The following CENPX variants were observed in gnomAD, a reference collection of about 807,000 sequenced individuals.
The protein encoded by CENPX is centromere protein X, also known as FANCM associated histone fold protein 2.
A neutral mutation model predicts 13.2 loss-of-function variants in CENPX; 13 were observed. The ratio of observed to expected loss-of-function variants is 0.98; its 90% confidence interval spans 0.64 to 1.56. The LOEUF is 1.56. Among genes scored for constraint, CENPX ranks in the 40% most tolerant of loss-of-function variants. CENPX has a pLI of 0.00. For synonymous variants in CENPX, 66 were observed against 47.2 expected, an observed-to-expected ratio of 1.40 and a Z score of -1.63; for missense variants, 138 against 107.5, an observed-to-expected ratio of 1.28 and a Z score of -1.26.
At chr17:82,019,556 C>G (rs1199481741) in intron 3 of CENPX, 85 bp downstream of exon 3, 1 of 1,547,242 alleles carries the variant, frequency 6.5e-7, no homozygotes. Context: ...TTGTGGGAAA[C>G]GGGAAAACAC....
intron 1 of CENPX, 85 bp downstream of exon 1, chr17:82,022,741 G>A: frequency 6.8e-7 from 1 of 1,460,834 alleles, no homozygotes; most frequent in South Asian, 1.2e-5. Context: ...GCGGCGCGGG[G>A]GCTGGCGTCT....
In CENPX at chr17:82,022,655, G is replaced by A. The variant is rs926514015; in HGVS notation, c.36+171C>T. 31 of 751,748 alleles carry A rather than the reference G, an allele frequency of 4.1e-5. No homozygotes were observed. The African/African-American group carries it at 4.2e-4, about 10-fold the overall frequency. 46.6% of individuals were successfully genotyped at this position (751,748 alleles called of 1,614,324 possible). ...CCCTCCTACCAGCTGCGAGACACCA[G>A]CCCACGAGGGCGCGGGGCGCGCGGC... On this transcript the variant is annotated intron_variant, in intron 1 of 4. Coordinates refer to ENST00000392359, the MANE Select transcript of CENPX (RefSeq NM_001271006.2).
intron 1 of CENPX, among the ~76,000 whole-genome samples, chr17:82,021,213 G>A (rs1456599572): frequency 1.3e-5 from 2 of 152,248 alleles, no homozygotes; most frequent in East Asian, 1.9e-4. Flanking sequence ...GCAGCGGGCA[G>A]CAGGGTCCAG....
Position 82,019,331 on chromosome 17 carries a change from C to T in CENPX, c.193G>A (p.Val65Met). ...ACCTTCTCCAGCTGGTCCACGTCCA[C>T]ACGGAGCGCGTCTTCTGCCTGGGCC... ...RQAQAEDALR[V>M]DVDQLEKVLP... The change falls in exon 4 of 5, where the codon GTG (valine) becomes ATG (methionine). Residue 65 changes from valine (V) to methionine (M), a missense_variant. By Grantham distance (21) the Val-to-Met change is conservative. Coordinates refer to ENST00000392359, the MANE Select transcript of CENPX (RefSeq NM_001271006.2). 6.3e-7 allele frequency: 1 copy of T among 1,583,522 alleles called. No homozygotes were observed. Among genetic ancestry groups the T allele is most frequent in the East Asian group, 2.3e-5 (1 of 43,826 alleles).
intron 1 of CENPX, among the ~76,000 whole-genome samples, chr17:82,020,230 T>C (rs1219023324): frequency 6.6e-6 from 1 of 152,194 alleles, no homozygotes; most frequent in Non-Finnish European, 1.5e-5. Context: ...AAAGGCCTCG[T>C]CGAGTCCGGC....
intron 1 of CENPX, among the ~76,000 whole-genome samples, chr17:82,020,661 G>A (rs1183257479): frequency 1.3e-5 from 2 of 152,110 alleles, no homozygotes; most frequent in Non-Finnish European, 1.5e-5. Context: ...TGCCATGCCC[G>A]GGGTGGGGGG....
chr17:82,019,834 T>TCCCGCCCGCACC (rs1180603354), intron 2 of CENPX, 24 bp downstream of exon 2: 140 of 1,207,714 alleles, frequency 1.2e-4, no homozygotes, highest in Non-Finnish European at 1.6e-4. Flanking sequence ...GGGACCCACC[T>TCCCGCCCGCACC]CCCGCCCGCA....
At chr17:82,021,821 G>T (rs2043289667) in intron 1 of CENPX, among the ~76,000 whole-genome samples, 2 of 152,336 alleles carry the variant, frequency 1.3e-5, no homozygotes, top group South Asian at 4.1e-4. Context: ...CCAAGCCTCA[G>T]TGACTTTCTC....
chr17:82,019,900 T>A lies in CENPX; in HGVS notation c.46A>T (p.Ser16Cys). Residue 16 changes from serine to cysteine, a missense_variant, in exon 2 of 5, where the codon AGC (serine) becomes TGC (cysteine). Physicochemically the swap from Ser to Cys is moderately radical, Grantham distance 112 (BLOSUM62 -1). Transcript: ENST00000392359. ...TTGAAGTGCAGGTGCAGCAGCCTGC[T>A]CACCAGCTCCTAGAAGGGAGGGGGG... ...AGSGFRKELV[S>C]RLLHLHFKDD... 1 of 1,590,736 alleles carries A rather than the reference T, an allele frequency of 6.3e-7. No individual in the cohort carries two copies. Among genetic ancestry groups the A allele is most frequent in the Non-Finnish European group, 8.6e-7 (1 of 1,164,976 alleles).
At position 82,019,385 on chromosome 17, in the gene CENPX, C is replaced by T. The variant is rs898095909; in HGVS notation, c.143-4G>A. 28 of 1,543,890 alleles carry T rather than the reference C, an allele frequency of 1.8e-5. No individual in the cohort carries two copies. The highest frequency in any genetic ancestry group is 3.9e-5 in the Admixed American group (2 of 51,052). Reference sequence around the variant, plus strand: ...CGCACGCCGCGGACTGCTGCTTCTGCGGTGAGAAACGCGAGAGGTGGGGGA... The same window carrying T: ...CGCACGCCGCGGACTGCTGCTTCTGTGGTGAGAAACGCGAGAGGTGGGGGA... On this transcript the variant is annotated splice_polypyrimidine_tract_variant and splice_region_variant and intron_variant, in intron 3 of 4. Coordinates refer to ENST00000392359, the MANE Select transcript of CENPX (RefSeq NM_001271006.2).
chr17:82,021,655 C>T (rs1174687866), intron 1 of CENPX, among the ~76,000 whole-genome samples: 4 of 152,256 alleles, frequency 2.6e-5, no homozygotes, highest in Non-Finnish European at 2.9e-5. Flanking sequence ...GCAATGACCA[C>T]AACTCCAGCT....
chr17:82,022,830 C>T lies in CENPX; in HGVS notation c.32G>A (p.Arg11Gln), dbSNP rs748113125. The change falls in exon 1 of 5, where the codon CGG becomes CAG. Residue 11 changes from arginine (R) to glutamine (Q), a missense_variant. Transcript: ENST00000392359. MEGAGAGSGF[R>Q]KELVSRLLHL... The stretch of plus-strand genomic sequence containing the variant: ...CCCCTGCCCTCCGGCCCTCACCTTC[C>T]GGAAGCCGGATCCAGCTCCTGCTCC... 3 of 1,590,858 alleles carry T rather than the reference C, an allele frequency of 1.9e-6. No individual in the cohort carries two copies. Among genetic ancestry groups the T allele is most frequent in the South Asian group, 2.3e-5 (2 of 88,056 alleles).
intron 1 of CENPX, among the ~76,000 whole-genome samples, chr17:82,020,766 G>A (rs1226442345): frequency 6.6e-6 from 1 of 152,180 alleles, no homozygotes; most frequent in African/African-American, 2.4e-5. Flanking sequence ...CCAAAAGGAC[G>A]GCACTGCTCT....
At position 82,019,638 on chromosome 17, in the gene CENPX, C is replaced by G; in HGVS notation, c.142+3G>C. 1 of 1,550,308 alleles carries G rather than the reference C, an allele frequency of 6.5e-7. No individual in the cohort carries two copies. The highest frequency in any genetic ancestry group is 1.2e-5 in the South Asian group (1 of 84,060). On this transcript the variant is annotated splice_donor_region_variant and intron_variant, in intron 3 of 4. Transcript: ENST00000392359. ...CCGGAGGGAGCGTGGGCCCTGGGCT[C>G]ACCCACAACGAAGACCTTCAGCAAC...
chr17:82,022,801 C>T (rs756763221), intron 1 of CENPX, 25 bp downstream of exon 1: 125 of 1,572,780 alleles, frequency 7.9e-5, no homozygotes, highest in Non-Finnish European at 1.0e-4. Flanking sequence ...CCGCGCCTGC[C>T]TAGCCCCTGC....
chr17:82,019,208 G>C lies in CENPX; in HGVS notation c.243C>G (p.Phe81Leu), dbSNP rs770901389. ...GCCTCAGCCACGGCTGAGATCCCTA[G>C]AAGTCCAGGAGCTGTGGGGAAGAGA... ...EKVLPQLLLDF is the reference protein window; with the variant it reads ...EKVLPQLLLDL Residue 81 changes from phenylalanine (F) to leucine (L), a missense_variant, in exon 5 of 5, where the codon TTC becomes TTG. Physicochemically the swap from Phe to Leu is conservative, Grantham distance 22 (BLOSUM62 0). Transcript: ENST00000392359. 1.3e-6 allele frequency: 2 copies of C among 1,580,572 alleles called. No individual in the cohort carries two copies. The highest frequency in any genetic ancestry group is 1.7e-6 in the Non-Finnish European group (2 of 1,158,086).
At chr17:82,019,751 C>T (rs2043245328) in intron 2 of CENPX, 57 bp from the exon 3 acceptor site, 3 of 1,548,718 alleles carry the variant, frequency 1.9e-6, no homozygotes, top group Non-Finnish European at 2.6e-6. Context: ...GCTGGGTGCT[C>T]CAGACATACC....
chr17:82,019,135 T>TGG lies in CENPX; in HGVS notation c.*68_*69dup, dbSNP rs940112899. On this transcript the variant is annotated 3_prime_UTR_variant, in exon 5 of 5. Transcript: ENST00000392359. ...TTCCCTGCCTCTTATCAGAGGCCGC[T>TGG]GGAAACACAAGGCCTGCTTCTGTGG... is the stretch of plus-strand genomic sequence containing the variant. 3.3e-6 allele frequency: 5 copies of TGG among 1,496,152 alleles called. No homozygotes were observed. The highest frequency in any genetic ancestry group is 4.5e-6 in the Non-Finnish European group (5 of 1,123,102). 92.7% of individuals were successfully genotyped at this position (1,496,152 alleles called of 1,614,324 possible).
Position 82,020,215 on chromosome 17 carries a change from T to C in CENPX, c.37-306A>G, listed in dbSNP as rs534725801. Among the ~76,000 whole-genome samples, 19 of 151,766 alleles carry C rather than the reference T, an allele frequency of 1.3e-4. No individual in the cohort carries two copies. In the South Asian group the frequency reaches 4.0e-3, roughly 32 times the overall value. ...CGCTGCTGGGGCTCCAGGGAGAGAGTGGAGAAAGGCCTCGTCGAGTCCGGC... is the reference window on the plus strand; with the variant it reads ...CGCTGCTGGGGCTCCAGGGAGAGAGCGGAGAAAGGCCTCGTCGAGTCCGGC... On this transcript the variant is annotated intron_variant, in intron 1 of 4. Transcript: ENST00000392359.
Sources: gnomAD v4.1 joint callset for allele counts (sites outside exome capture counted in the v4.1 genomes callset) on GRCh38, gnomAD v4.1.1 for gene constraint, MANE v1.5 for transcripts, NCBI Gene and HGNC (gene_info 2026-07-23, HGNC 2026-07-21) for gene names.